Variants in MCTP2 observed in about 807,000 individuals in gnomAD.
MCTP2 encodes multiple C2 and transmembrane domain-containing protein 2.
Under a neutral mutation model 111.6 loss-of-function variants are expected in MCTP2, and 132 were observed. The observed-to-expected ratio is 1.18, with a 90% CI of 1.03 to 1.37. The LOEUF (loss-of-function observed/expected upper bound fraction) is 1.37. Ranked by LOEUF, MCTP2 falls within the 40% of genes most tolerant of loss-of-function variation. The pLI is 0.00. For synonymous variants in MCTP2, 395 were observed against 387.7 expected (o/e 1.02, Z -0.22); for missense variants, 1,183 against 1,067.9 (o/e 1.11, Z -1.50).
intron 19 of MCTP2, among the ~76,000 whole-genome samples, chr15:94,455,977 T>G (rs1175137575): frequency 1.3e-5 from 2 of 152,308 alleles, no homozygotes; most frequent in Non-Finnish European, 2.9e-5. Context: ...ATCCAGATGA[T>G]CAAATTTATT....
intron 2 of MCTP2, among the ~76,000 whole-genome samples, chr15:94,306,695 C>T (rs569360761): frequency 1.3e-5 from 2 of 152,304 alleles, no homozygotes; most frequent in South Asian, 4.2e-4. Context: ...TCCCATAATC[C>T]ATGAAATTCC....
intron 12 of MCTP2, among the ~76,000 whole-genome samples, chr15:94,382,851 G>C (rs767515932): frequency 2.0e-5 from 3 of 152,254 alleles, no homozygotes; most frequent in East Asian, 3.8e-4. Flanking sequence ...ATGTCCTACG[G>C]ACATTACGGA....
rs2074234751 is a variant in MCTP2, at chr15:94,474,936, T to G, written c.2471-1760T>G. 2.0e-5 allele frequency among the ~76,000 whole-genome samples: 3 copies of G among 152,258 alleles called. No homozygotes were observed. The South Asian group carries it at 6.2e-4, about 32-fold the overall frequency. ...CCTCATTGGTGCATTTGAGCTACTG[T>G]GCAGGTTTATAATCTTCTCAGTGAC... On this transcript the variant is annotated intron_variant, in intron 21 of 22. Coordinates refer to ENST00000357742, the MANE Select transcript of MCTP2 (RefSeq NM_001385001.1).
chr15:94,308,647 G>A (rs137941572), intron 2 of MCTP2, among the ~76,000 whole-genome samples: 115 of 152,258 alleles, frequency 7.6e-4, no homozygotes, highest in Middle Eastern at 3.4e-3. Context: ...AAAAACTTAC[G>A]GCAGGTCAGT....
intron 17 of MCTP2, among the ~76,000 whole-genome samples, chr15:94,435,265 T>G (rs2083409564): frequency 6.6e-6 from 1 of 152,218 alleles, no homozygotes; most frequent in African/African-American, 2.4e-5. Context: ...ACCTTAACAA[T>G]ACCAAATCTT....
chr15:94,384,127 A>T lies in MCTP2; in HGVS notation c.1685+3A>T, dbSNP rs185584408. ...GAATGGAACAAAGTTTTTACATTGT[A>T]AGTGCTTTAGCCTCTGGAATTATTT... is the stretch of plus-strand genomic sequence containing the variant. On this transcript the variant is annotated splice_donor_region_variant and intron_variant, in intron 13 of 22. Transcript: ENST00000357742. 8 of 1,602,214 alleles carry T rather than the reference A, an allele frequency of 5.0e-6. No homozygotes were observed. The highest frequency in any genetic ancestry group is 6.8e-6 in the Non-Finnish European group (8 of 1,169,940).
intron 1 of MCTP2, among the ~76,000 whole-genome samples, chr15:94,242,000 T>G (rs1425971586): frequency 6.6e-6 from 1 of 152,192 alleles, no homozygotes; most frequent in Non-Finnish European, 1.5e-5. Context: ...CTCTGTATGG[T>G]TGTTGAAATG....
chr15:94,406,634 C>T (rs574958007), intron 17 of MCTP2, among the ~76,000 whole-genome samples: 1 of 152,180 alleles, frequency 6.6e-6, no homozygotes, highest in Non-Finnish European at 1.5e-5. Context: ...AATGCCCAGC[C>T]CCTGGGCATC....
At chr15:94,273,190 A>T (rs1044853299) in intron 1 of MCTP2, among the ~76,000 whole-genome samples, 5 of 152,228 alleles carry the variant, frequency 3.3e-5, no homozygotes, top group African/African-American at 7.2e-5. Flanking sequence ...GAACAAGAAG[A>T]TGAACAAATC....
rs962755766 is a variant in MCTP2, at chr15:94,440,285, T to C, written c.2195T>C (p.Ile732Thr). Residue 732 changes from isoleucine to threonine, a missense_variant, in exon 18 of 23, where the codon ATC (isoleucine) becomes ACC (threonine). Physicochemically the swap from Ile to Thr is moderately conservative, Grantham distance 89. Transcript: ENST00000357742. ...IRPVKGKVSSIQDSQESTDID... is the reference protein window; with the variant it reads ...IRPVKGKVSSTQDSQESTDID... ...CCTGTGAAAGGCAAGGTCAGCAGCATCCAGGACAGCCAGGTAAGCAAGGAT... is the reference window on the plus strand; with the variant it reads ...CCTGTGAAAGGCAAGGTCAGCAGCACCCAGGACAGCCAGGTAAGCAAGGAT... 1.9e-6 allele frequency: 3 copies of C among 1,613,896 alleles called. No individual in the cohort carries two copies. The African/African-American group carries it at 4.0e-5, about 22-fold the overall frequency.
intron 1 of MCTP2, among the ~76,000 whole-genome samples, chr15:94,277,020 C>A (rs2074253888): frequency 6.7e-6 from 1 of 150,108 alleles, no homozygotes. Flanking sequence ...AAATAATTTG[C>A]TTGTCTACAT....
At chr15:94,436,081 C>CACAT (rs1490516330) in intron 17 of MCTP2, among the ~76,000 whole-genome samples, 1 of 152,148 alleles carries the variant, frequency 6.6e-6, no homozygotes, top group African/African-American at 2.4e-5. Flanking sequence ...TAGCGGCATT[C>CACAT]ACATACTGAA....
chr15:94,247,165 A>G (rs555851049), intron 1 of MCTP2, among the ~76,000 whole-genome samples: 2 of 152,054 alleles, frequency 1.3e-5, no homozygotes, highest in South Asian at 2.1e-4. Flanking sequence ...GCGTGAGTGC[A>G]TGTGATTCCT....
chr15:94,318,988 G>A (rs754973151), intron 4 of MCTP2, among the ~76,000 whole-genome samples: 3 of 149,168 alleles, frequency 2.0e-5, no homozygotes, highest in Non-Finnish European at 4.4e-5. Context: ...GTCATAAACT[G>A]TGCTGTTTCA....
At chr15:94,347,932 C>A (rs1596432981) in intron 8 of MCTP2, among the ~76,000 whole-genome samples, 1 of 151,852 alleles carries the variant, frequency 6.6e-6, no homozygotes, top group South Asian at 2.1e-4. Flanking sequence ...ACTCCCCACA[C>A]CCCCTGCTAT....
At chr15:94,303,476 C>G (rs151266987) in intron 2 of MCTP2, among the ~76,000 whole-genome samples, 23 of 152,218 alleles carry the variant, frequency 1.5e-4, no homozygotes, top group African/African-American at 5.5e-4. Flanking sequence ...AAATGTTAAT[C>G]TCTTTTAGCA....
At chr15:94,370,518 G>A (rs181894900) in intron 12 of MCTP2, among the ~76,000 whole-genome samples, 3 of 152,254 alleles carry the variant, frequency 2.0e-5, no homozygotes, top group Non-Finnish European at 4.4e-5. Flanking sequence ...ACAGCGATTC[G>A]ACTTCTCGCC....
intron 1 of MCTP2, among the ~76,000 whole-genome samples, chr15:94,257,367 G>A (rs946827019): frequency 2.6e-5 from 4 of 151,920 alleles, no homozygotes; most frequent in Admixed American, 2.6e-4. Flanking sequence ...TTTGAAAGCA[G>A]ATTCCTAGCA....
At position 94,435,125 on chromosome 15, in the gene MCTP2, A is replaced by G. The variant is rs759673763; in HGVS notation, c.2086-5051A>G. Among the ~76,000 whole-genome samples the G allele has an allele frequency of 1.4e-3, 214 of 152,244 alleles. 1 individual carries two copies. Among genetic ancestry groups the G allele is most frequent in the Middle Eastern group, 0.01 (3 of 294 alleles). ...GGTGATCCACCTGTGTTGGCCTCCC[A>G]AAGTGCTAGGGTTACAGGCATGAGC... On this transcript the variant is annotated intron_variant, in intron 17 of 22. Coordinates refer to ENST00000357742, the MANE Select transcript of MCTP2 (RefSeq NM_001385001.1).
Sources: allele counts gnomAD v4.1 joint callset (sites outside exome capture counted in the v4.1 genomes callset), GRCh38; gene constraint gnomAD v4.1.1; transcripts MANE v1.5; gene names NCBI Gene and HGNC (gene_info 2026-07-23, HGNC 2026-07-21).